The following ADAMTSL1 variants were observed in gnomAD, a reference collection of about 807,000 sequenced individuals.
The protein encoded by ADAMTSL1 is ADAMTS like 1.
In ADAMTSL1, 126 loss-of-function variants were observed where a neutral mutation model predicts 201.8. That is an observed-to-expected ratio of 0.62 (90% CI 0.54 to 0.72). The LOEUF is 0.72. ADAMTSL1 is among the 30% of genes least tolerant of loss of function. The pLI is 0.00. For synonymous variants in ADAMTSL1, 1,121 were observed against 903.4 expected, an observed-to-expected ratio of 1.24 and a Z score of -4.32; for missense variants, 2,679 against 2,277.8, an observed-to-expected ratio of 1.18 and a Z score of -3.59.
intron 1 of ADAMTSL1, among the ~76,000 whole-genome samples, chr9:18,481,930 C>A (rs963305113): frequency 6.6e-6 from 1 of 152,190 alleles, no homozygotes; most frequent in Non-Finnish European, 1.5e-5. Flanking sequence ...GGGGAACCTG[C>A]TGCCAGATTA....
chr9:17,951,121 G>A (rs540707960), intron 1 of ADAMTSL1, among the ~76,000 whole-genome samples: 30 of 152,250 alleles, frequency 2.0e-4, no homozygotes, highest in African/African-American at 4.6e-4. Context: ...GCATCCCATT[G>A]GATAGATGAA....
At chr9:18,748,289 C>G (rs1456912822) in intron 15 of ADAMTSL1, among the ~76,000 whole-genome samples, 1 of 152,168 alleles carries the variant, frequency 6.6e-6, no homozygotes, top group Non-Finnish European at 1.5e-5. Flanking sequence ...ATGTTTACCA[C>G]CCTCCTTATC....
At chr9:18,789,465 G>T (rs1054138906) in intron 19 of ADAMTSL1, among the ~76,000 whole-genome samples, 8 of 152,144 alleles carry the variant, frequency 5.3e-5, no homozygotes, top group African/African-American at 1.9e-4. Flanking sequence ...CTGAACCACT[G>T]TCCGCTATGC....
intron 21 of ADAMTSL1, among the ~76,000 whole-genome samples, chr9:18,825,486 A>T (rs1965111): frequency 0.91 from 138,064 of 152,318 alleles, 62,690 homozygotes; most frequent in East Asian, 0.95. Flanking sequence ...AATACAAGCA[A>T]GTTTTCTACA....
chr9:18,278,787 G>A (rs1007508193), intron 2 of ADAMTSL1, among the ~76,000 whole-genome samples: 1 of 152,094 alleles, frequency 6.6e-6, no homozygotes, highest in African/African-American at 2.4e-5. Flanking sequence ...GGAGTCTCAT[G>A]CAAATTTTGA....
chr9:18,810,730 T>C (rs1390443761), intron 20 of ADAMTSL1, among the ~76,000 whole-genome samples: 2 of 152,168 alleles, frequency 1.3e-5, no homozygotes, highest in Non-Finnish European at 2.9e-5. Flanking sequence ...TGTATTTTAT[T>C]CCCAGCTGAT....
At chr9:18,202,583 T>C (rs865896190) in intron 2 of ADAMTSL1, among the ~76,000 whole-genome samples, 19 of 152,320 alleles carry the variant, frequency 1.2e-4, no homozygotes, top group Non-Finnish European at 2.2e-4. Context: ...CTGTAGTTAC[T>C]CCCTCATCTT....
intron 1 of ADAMTSL1, among the ~76,000 whole-genome samples, chr9:18,483,774 C>T (rs1821849305): frequency 6.6e-6 from 1 of 152,138 alleles, no homozygotes; most frequent in Non-Finnish European, 1.5e-5. Context: ...TTGCAGTGAG[C>T]CGAGATTGTG....
intron 1 of ADAMTSL1, among the ~76,000 whole-genome samples, chr9:18,135,227 A>G (rs979669250): frequency 1.3e-5 from 2 of 152,176 alleles, no homozygotes; most frequent in East Asian, 3.8e-4. Flanking sequence ...CAGTTAGGAA[A>G]TAGTCACAAT....
At chr9:18,002,935 G>T (rs986927225) in intron 1 of ADAMTSL1, among the ~76,000 whole-genome samples, 1 of 151,980 alleles carries the variant, frequency 6.6e-6, no homozygotes, top group African/African-American at 2.4e-5. Context: ...CTGTGACTGC[G>T]GACCCACTGC....
chr9:18,487,117 A>G (rs1379692196), intron 1 of ADAMTSL1, among the ~76,000 whole-genome samples: 1 of 152,236 alleles, frequency 6.6e-6, no homozygotes, highest in African/African-American at 2.4e-5. Flanking sequence ...CATATCTGAA[A>G]TTCCTCAATT....
At chr9:18,688,687 A>AAAT (rs1564152564) in intron 13 of ADAMTSL1, among the ~76,000 whole-genome samples, 1 of 17,658 alleles carries the variant, frequency 5.7e-5, no homozygotes, top group East Asian at 9.1e-4. Flanking sequence ...AAAAAAAAAA[A>AAAT]AAATATATAT....
rs760265449 is a variant in ADAMTSL1 at position 18,826,268 on chromosome 9, T to C, written c.3935-16T>C. The C allele has an allele frequency of 3.8e-6, 6 of 1,594,008 alleles. No homozygotes were observed. The Admixed American group carries it at 5.3e-5, about 14-fold the overall frequency. On this transcript the variant is annotated splice_polypyrimidine_tract_variant and intron_variant, in intron 21 of 28. Transcript: ENST00000380548. ...ACTGATGAGTGGGGTTTTTTGTTTTTTTTTTTTCTTCCTAGGAGTGCCTGA... is the reference window on the plus strand; with the variant it reads ...ACTGATGAGTGGGGTTTTTTGTTTTCTTTTTTTCTTCCTAGGAGTGCCTGA...
At chr9:18,351,709 C>G (rs1201836140) in intron 2 of ADAMTSL1, among the ~76,000 whole-genome samples, 1 of 152,164 alleles carries the variant, frequency 6.6e-6, no homozygotes, top group Non-Finnish European at 1.5e-5. Context: ...ACCCTCTTAA[C>G]CTGTGGCTCA....
chr9:18,207,844 A>G (rs1829718030), intron 2 of ADAMTSL1, among the ~76,000 whole-genome samples: 1 of 152,114 alleles, frequency 6.6e-6, no homozygotes, highest in South Asian at 2.1e-4. Context: ...TTATTGCACA[A>G]TTTAGTCCTA....
At chr9:18,463,457 A>G (rs957856528) in intron 2 of ADAMTSL1, among the ~76,000 whole-genome samples, 4 of 152,130 alleles carry the variant, frequency 2.6e-5, no homozygotes, top group African/African-American at 9.7e-5. Flanking sequence ...TATTCACATT[A>G]TTGTGCAGCC....
intron 23 of ADAMTSL1, among the ~76,000 whole-genome samples, chr9:18,883,216 A>G (rs1468890332): frequency 6.6e-6 from 1 of 152,116 alleles, no homozygotes; most frequent in Non-Finnish European, 1.5e-5. Flanking sequence ...GTTCTTACTG[A>G]TCTTACTTAG....
intron 1 of ADAMTSL1, among the ~76,000 whole-genome samples, chr9:17,980,418 A>G (rs549782341): frequency 9.3e-5 from 14 of 150,712 alleles, no homozygotes; most frequent in African/African-American, 3.2e-4. Context: ...TAATTTACCA[A>G]TTTTCTCTTC....
chr9:18,885,781 C>T (rs1418554908), intron 23 of ADAMTSL1, among the ~76,000 whole-genome samples: 4 of 151,998 alleles, frequency 2.6e-5, no homozygotes, highest in Non-Finnish European at 4.4e-5. Flanking sequence ...AGCAAAGAAA[C>T]GAAGGAGGTA....
Sources: gnomAD v4.1 joint callset for allele counts (sites outside exome capture counted in the v4.1 genomes callset) on GRCh38, gnomAD v4.1.1 for gene constraint, MANE v1.5 for transcripts, NCBI Gene and HGNC (gene_info 2026-07-23, HGNC 2026-07-21) for gene names.